Variants in KL observed in about 807,000 individuals in gnomAD.
KL encodes the protein klotho.
In KL, 62 loss-of-function variants were observed where a neutral mutation model predicts 84.2. The ratio of observed to expected loss-of-function variants is 0.74; its 90% CI spans 0.60 to 0.91. KL has a LOEUF of 0.91. Ranked by LOEUF, KL falls within the 40% of genes least tolerant of loss-of-function variation. The pLI is 0.00. For synonymous variants in KL, 528 were observed against 528.0 expected (o/e 1.00, Z 0.00); for missense variants, 1,261 against 1,305.7 (o/e 0.97, Z 0.53).
In KL at chr13:33,061,411, C is replaced by G; in HGVS notation, c.2332C>G (p.Leu778Val). 1 of 1,614,118 alleles carries G rather than the reference C, an allele frequency of 6.2e-7. No homozygotes were observed. The highest frequency in any genetic ancestry group is 8.5e-7 in the Non-Finnish European group (1 of 1,180,018). Reference protein sequence around the residue: ...GDYPWVMRDWLNQRNNFLLPY... With the variant: ...GDYPWVMRDWVNQRNNFLLPY... ...TTATCCATGGGTGATGAGGGACTGG[C>G]TGAACCAAAGAAACAATTTTCTTCT... Residue 778 changes from leucine (L) to valine (V), a missense_variant, in exon 4 of 5, where the codon CTG (leucine) becomes GTG (valine). Leu to Val is a conservative substitution (Grantham distance 32). Coordinates refer to ENST00000380099, the MANE Select transcript of KL (RefSeq NM_004795.4).
intron 3 of KL, among the ~76,000 whole-genome samples, chr13:33,058,909 C>CT (rs1218149389): frequency 6.6e-6 from 1 of 152,198 alleles, no homozygotes; most frequent in Admixed American, 6.5e-5. Context: ...GAAAAATACT[C>CT]TGACAGCATT....
rs191762470 is a variant in KL at position 33,042,978 on chromosome 13, G to A, written c.820-10789G>A. 2.0e-4 allele frequency among the ~76,000 whole-genome samples: 30 copies of A among 152,096 alleles called. No individual in the cohort carries two copies. The East Asian group carries it at 3.9e-3, about 20-fold the overall frequency. Reference sequence around the variant, plus strand: ...ATTACAGTCTTGAGCCACTGTGCCCGGCCAGCATCTTTGAACATATCAATT... The same window carrying A: ...ATTACAGTCTTGAGCCACTGTGCCCAGCCAGCATCTTTGAACATATCAATT... On this transcript the variant is annotated intron_variant, in intron 1 of 4. Coordinates refer to ENST00000380099, the MANE Select transcript of KL (RefSeq NM_004795.4).
chr13:33,061,799 G>T lies in KL; in HGVS notation c.2701+19G>T. The T allele has an allele frequency of 6.2e-7, 1 of 1,610,924 alleles. No homozygotes were observed. The highest frequency in any genetic ancestry group is 1.1e-5 in the South Asian group (1 of 91,036). On this transcript the variant is annotated intron_variant, in intron 4 of 4. Transcript: ENST00000380099. ...CTCAAAGGTAAGGAGCCCTAGCTGC[G>T]GCTATCTCCTGAAGGTTATGTCACC...
chr13:33,052,889 A>G (rs945183431), intron 1 of KL, among the ~76,000 whole-genome samples: 32 of 152,334 alleles, frequency 2.1e-4, no homozygotes, highest in African/African-American at 6.3e-4. Context: ...TCAAAGAGAA[A>G]GAGAAACTCA....
chr13:33,053,746 C>A (rs200179401), intron 1 of KL, 21 bp from the exon 2 acceptor site: 535 of 1,612,486 alleles, frequency 3.3e-4, no homozygotes, highest in Non-Finnish European at 4.3e-4. Context: ...GATAAATTTG[C>A]CATGGTTTTT....
intron 1 of KL, among the ~76,000 whole-genome samples, chr13:33,038,986 A>G (rs1455549558): frequency 6.6e-6 from 1 of 152,244 alleles, no homozygotes; most frequent in East Asian, 1.9e-4. Context: ...GCAGAAGAAC[A>G]TAATAAATGC....
Position 33,016,504 on chromosome 13 carries a change from G to T in KL, c.64G>T (p.Val22Leu). Residue 22 changes from valine to leucine, a missense_variant, in exon 1 of 5, where the codon GTG becomes TTG. Val to Leu is a conservative substitution (Grantham distance 32). Coordinates refer to ENST00000380099, the MANE Select transcript of KL (RefSeq NM_004795.4). The stretch of plus-strand genomic sequence containing the variant: ...GCCGCCGTCGCTGTCGCTGCTGCTG[G>T]TGCTGCTGGGCCTGGGCGGCCGCCG... The part of the protein sequence containing the change: ...PPPPSLSLLL[V>L]LLGLGGRRLR... 2 of 1,252,610 alleles carry T rather than the reference G, an allele frequency of 1.6e-6. No homozygotes were observed. The highest frequency in any genetic ancestry group is 2.0e-6 in the Non-Finnish European group (2 of 1,000,842). 77.6% of individuals were successfully genotyped at this position (1,252,610 alleles called of 1,614,324 possible).
chr13:33,054,333 C>T, intron 2 of KL, 56 bp downstream of exon 2: 1 of 1,479,402 alleles, frequency 6.8e-7, no homozygotes, highest in Non-Finnish European at 9.4e-7. Context: ...AAAAAAATCT[C>T]TAAGATTATC....
chr13:33,062,857 G>C (rs1356731105), intron 4 of KL, among the ~76,000 whole-genome samples: 1 of 151,826 alleles, frequency 6.6e-6, no homozygotes, highest in Non-Finnish European at 1.5e-5. Context: ...GGGGGTGGGA[G>C]AATAACTTCC....
intron 1 of KL, among the ~76,000 whole-genome samples, chr13:33,019,732 TGAGAGA>T (rs59216104): frequency 9.7e-5 from 13 of 133,462 alleles, no homozygotes; most frequent in East Asian, 8.6e-4. Context: ...TGTGTGTGTG[TGAGAGA>T]GAGAGAGAGA....
chr13:33,034,473 G>A (rs893751145), intron 1 of KL, among the ~76,000 whole-genome samples: 8 of 151,994 alleles, frequency 5.3e-5, no homozygotes, highest in African/African-American at 1.9e-4. Context: ...CTGTAGAGAT[G>A]TAAATGAAAA....
intron 1 of KL, among the ~76,000 whole-genome samples, chr13:33,019,194 T>G (rs986713042): frequency 1.3e-5 from 2 of 152,196 alleles, no homozygotes; most frequent in Non-Finnish European, 2.9e-5. Context: ...TAGTCATTCT[T>G]GTATCTTATT....
At chr13:33,057,568 CT>C (rs1282954910) in intron 3 of KL, among the ~76,000 whole-genome samples, 3 of 152,100 alleles carry the variant, frequency 2.0e-5, no homozygotes, top group Non-Finnish European at 4.4e-5. Context: ...TCACACGGTC[CT>C]TTTTTCCTCA....
intron 1 of KL, among the ~76,000 whole-genome samples, chr13:33,044,684 T>G (rs1246495045): frequency 7.4e-6 from 1 of 135,676 alleles, no homozygotes; most frequent in Non-Finnish European, 1.6e-5. Context: ...AGAGGCTTAC[T>G]TTGTCACCCA....
Position 33,016,810 on chromosome 13 carries a change from G to A in KL, c.370G>A (p.Val124Ile), listed in dbSNP as rs1164662984. Residue 124 changes from valine (V) to isoleucine (I), a missense_variant, in exon 1 of 5, where the codon GTA (valine) becomes ATA (isoleucine). Val to Ile is a conservative substitution (Grantham distance 29). Transcript: ENST00000380099. Reference protein sequence around the residue: ...PSPLQPATGDVASDSYNNVFR... With the variant: ...PSPLQPATGDIASDSYNNVFR... ...GCCGCTGCAGCCCGCCACCGGGGACGTAGCCAGCGACAGCTACAACAACGT... is the reference window on the plus strand; with the variant it reads ...GCCGCTGCAGCCCGCCACCGGGGACATAGCCAGCGACAGCTACAACAACGT... 2.5e-6 allele frequency: 4 copies of A among 1,612,590 alleles called. No homozygotes were observed. The highest frequency in any genetic ancestry group is 3.4e-6 in the Non-Finnish European group (4 of 1,179,772).
chr13:33,048,089 G>A (rs2516574), intron 1 of KL, among the ~76,000 whole-genome samples: 100,909 of 151,696 alleles, frequency 0.67, 34,029 homozygotes, highest in Admixed American at 0.76. Context: ...TAATCCCAAT[G>A]TCTGGGACAT....
chr13:33,060,270 C>CT (rs1183647437), intron 3 of KL, among the ~76,000 whole-genome samples: 2 of 152,170 alleles, frequency 1.3e-5, no homozygotes, highest in East Asian at 3.8e-4. Flanking sequence ...TAAGTTTTTT[C>CT]TTTTTTTCAT....
At chr13:33,031,012 G>C (rs1210109351) in intron 1 of KL, among the ~76,000 whole-genome samples, 1 of 152,088 alleles carries the variant, frequency 6.6e-6, no homozygotes, top group Non-Finnish European at 1.5e-5. Context: ...TGGAAAGAGA[G>C]AATAAGGAAA....
intron 1 of KL, among the ~76,000 whole-genome samples, chr13:33,045,316 T>G (rs1028986051): frequency 3.9e-5 from 6 of 152,218 alleles, no homozygotes; most frequent in Non-Finnish European, 5.9e-5. Flanking sequence ...TTACTTCTTT[T>G]CTAACTTGGA....
Sources: allele counts gnomAD v4.1 joint callset (sites outside exome capture counted in the v4.1 genomes callset), GRCh38; gene constraint gnomAD v4.1.1; transcripts MANE v1.5; gene names NCBI Gene and HGNC (gene_info 2026-07-23, HGNC 2026-07-21).